Variants in PVT1 observed in about 807,000 individuals in gnomAD.
PVT1 encodes the protein CXCR4/PVT1 fusion.
intron 2 of PVT1, among the ~76,000 whole-genome samples, chr8:127,799,409 A>AT (rs1453882783): frequency 6.6e-6 from 1 of 152,244 alleles, no homozygotes; most frequent in Non-Finnish European, 1.5e-5. Context: ...AAATAATAAA[A>AT]TAAAAATTAA....
At chr8:127,897,607 GAAGA>G (rs1046539766) in intron 3 of PVT1, among the ~76,000 whole-genome samples, 7 of 144,910 alleles carry the variant, frequency 4.8e-5, no homozygotes, top group South Asian at 2.2e-4. Context: ...AGGAAGGAAG[GAAGA>G]AAGGAAAGAA....
intron 3 of PVT1, among the ~76,000 whole-genome samples, chr8:127,963,577 C>T (rs1252527749): frequency 1.3e-5 from 2 of 152,152 alleles, no homozygotes; most frequent in South Asian, 4.1e-4. Flanking sequence ...CCCCACCCCC[C>T]TCCACCCTTT....
intron 2 of PVT1, among the ~76,000 whole-genome samples, chr8:127,882,500 T>A (rs75673408): frequency 6.6e-6 from 1 of 152,014 alleles, no homozygotes; most frequent in Non-Finnish European, 1.5e-5. Context: ...TTTTTTTTTT[T>A]GAGATGGAGT....
intron 2 of PVT1, among the ~76,000 whole-genome samples, chr8:127,832,105 T>A (rs1299522567): frequency 6.6e-6 from 1 of 152,032 alleles, no homozygotes; most frequent in East Asian, 1.9e-4. Flanking sequence ...TTTTTCAGGC[T>A]GTTTCTTAAA....
chr8:128,057,673 A>T (rs1249347333), intron 4 of PVT1, among the ~76,000 whole-genome samples: 1 of 152,160 alleles, frequency 6.6e-6, no homozygotes, highest in African/African-American at 2.4e-5. Flanking sequence ...GTTCATAAAC[A>T]TGCTTTCCTC....
At chr8:127,912,590 A>T (rs1314742215) in intron 3 of PVT1, among the ~76,000 whole-genome samples, 1 of 152,188 alleles carries the variant, frequency 6.6e-6, no homozygotes, top group Non-Finnish European at 1.5e-5. Flanking sequence ...CCCTATTGTG[A>T]TAGAGGAAGA....
chr8:128,041,196 CGTGTGTTTGCATGTGTGTTT>C (rs61724376), intron 4 of PVT1, among the ~76,000 whole-genome samples: 33,239 of 134,130 alleles, frequency 0.25, 4,080 homozygotes, highest in Middle Eastern at 0.44. Context: ...TGCTTGTGTT[CGTGTGTTTGCATGTGTGTTT>C]GTGTGTGTGC....
chr8:127,970,393 G>T (rs1320822970), intron 3 of PVT1, among the ~76,000 whole-genome samples: 1 of 138,554 alleles, frequency 7.2e-6, no homozygotes, highest in Non-Finnish European at 1.5e-5. Flanking sequence ...TGCCTCCCAG[G>T]CTCACGCCAT....
intron 3 of PVT1, among the ~76,000 whole-genome samples, chr8:127,939,299 G>C (rs1027495127): frequency 3.3e-5 from 5 of 152,192 alleles, no homozygotes; most frequent in African/African-American, 9.7e-5. Flanking sequence ...AGGCACACAG[G>C]CTTCATGGAT....
chr8:128,020,856 G>A (rs999015842), intron 4 of PVT1, among the ~76,000 whole-genome samples: 4 of 152,168 alleles, frequency 2.6e-5, no homozygotes, highest in African/African-American at 7.2e-5. Flanking sequence ...TTGCACTTTC[G>A]CAGGGGACCT....
chr8:127,925,363 C>A (rs7812386), intron 3 of PVT1, among the ~76,000 whole-genome samples: 45,481 of 152,028 alleles, frequency 0.3, 7,241 homozygotes, highest in Middle Eastern at 0.41. Flanking sequence ...TCAAAAAAAT[C>A]TAGTTGAAAA....
At chr8:127,972,910 A>C (rs1030376511) in intron 3 of PVT1, among the ~76,000 whole-genome samples, 2 of 152,108 alleles carry the variant, frequency 1.3e-5, no homozygotes, top group South Asian at 4.1e-4. Context: ...TTTTTGATTA[A>C]AACAAATTTT....
intron 5 of PVT1, among the ~76,000 whole-genome samples, chr8:128,088,657 G>A (rs557426767): frequency 6.6e-6 from 1 of 152,230 alleles, no homozygotes; most frequent in East Asian, 1.9e-4. Context: ...GTCCTGTGAC[G>A]AATGTTGCAT....
At chr8:128,096,646 C>T (rs1814432917) in exon 6 of PVT1, 1 of 152,318 alleles carries the variant, frequency 6.6e-6, no homozygotes, top group Non-Finnish European at 1.5e-5. Flanking sequence ...CAGCTTGGGG[C>T]TGTCAAAGGT....
intron 2 of PVT1, among the ~76,000 whole-genome samples, chr8:127,821,809 CA>C (rs35101455): frequency 0.018 from 2,327 of 128,648 alleles, 24 homozygotes; most frequent in Non-Finnish European, 0.026. Flanking sequence ...GTCTCTGTCT[CA>C]AAAAAAAAAA....
chr8:127,987,899 G>A (rs948046301), intron 3 of PVT1, among the ~76,000 whole-genome samples: 19 of 152,244 alleles, frequency 1.2e-4, no homozygotes, highest in Middle Eastern at 3.2e-3. Context: ...ATCTTTCTGC[G>A]TGCCTAGCTA....
chr8:127,814,813 G>A (rs1342399903), intron 2 of PVT1, among the ~76,000 whole-genome samples: 1 of 151,978 alleles, frequency 6.6e-6, no homozygotes, highest in Non-Finnish European at 1.5e-5. Context: ...CTGAAACTCT[G>A]CACTCATTAA....
At chr8:127,908,806 A>G (rs1261852744) in intron 3 of PVT1, among the ~76,000 whole-genome samples, 1 of 152,128 alleles carries the variant, frequency 6.6e-6, no homozygotes, top group Non-Finnish European at 1.5e-5. Context: ...TGTCTGAACT[A>G]TCGTAGCAGT....
chr8:128,074,348 T>TA (rs1814052098), intron 5 of PVT1, among the ~76,000 whole-genome samples: 1 of 128,748 alleles, frequency 7.8e-6, no homozygotes, highest in South Asian at 2.9e-4. Flanking sequence ...CTACTAAAAA[T>TA]GAAAAAATAA....
Sources: allele counts gnomAD v4.1 joint callset (sites outside exome capture counted in the v4.1 genomes callset), GRCh38; gene constraint gnomAD v4.1.1; transcripts MANE v1.5; gene names NCBI Gene and HGNC (gene_info 2026-07-23, HGNC 2026-07-21).